FNDC3A: variants seen among roughly 807,000 people sequenced by gnomAD.
FNDC3A encodes the protein fibronectin type-III domain-containing protein 3A.
A neutral mutation model predicts 148.9 loss-of-function variants in FNDC3A; 32 were observed. The observed-to-expected ratio is 0.21, with a 90% CI of 0.16 to 0.29. The LOEUF (loss-of-function observed/expected upper bound fraction) is 0.29, where lower values mean the gene tolerates loss of function less well. Ranked by LOEUF, FNDC3A falls within the 10% of genes least tolerant of loss-of-function variation. The pLI, the probability that FNDC3A is intolerant of heterozygous loss-of-function variation, is 1.00. For missense variants in FNDC3A, 1,191 were observed against 1,452.8 expected, an observed-to-expected ratio of 0.82 and a Z score of 2.93; for synonymous variants, 472 against 473.6, an observed-to-expected ratio of 1.00 and a Z score of 0.04.
chr13:49,052,605 G>A (rs1875922051), intron 2 of FNDC3A, among the ~76,000 whole-genome samples: 1 of 152,166 alleles, frequency 6.6e-6, no homozygotes, highest in Non-Finnish European at 1.5e-5. Flanking sequence ...CTCTGTGAAG[G>A]TCTTTGGTTG....
chr13:49,009,777 C>T (rs1346850052), intron 2 of FNDC3A, among the ~76,000 whole-genome samples: 1 of 152,194 alleles, frequency 6.6e-6, no homozygotes, highest in Non-Finnish European at 1.5e-5. Flanking sequence ...TAGCAGTTTA[C>T]TAATTTGTCT....
At chr13:49,083,020 A>G (rs1389763986) in intron 3 of FNDC3A, among the ~76,000 whole-genome samples, 1 of 152,082 alleles carries the variant, frequency 6.6e-6, no homozygotes, top group Non-Finnish European at 1.5e-5. Context: ...TATTAGAGTG[A>G]AGAGTCAGAG....
At chr13:49,114,049 G>T (rs180765027) in intron 3 of FNDC3A, among the ~76,000 whole-genome samples, 2 of 151,996 alleles carry the variant, frequency 1.3e-5, no homozygotes, top group Middle Eastern at 3.4e-3. Context: ...TTTCCTTTGG[G>T]TAAGTACACG....
At chr13:49,201,179 A>C (rs752179452) in intron 23 of FNDC3A, 11 of 301,212 alleles carry the variant, frequency 3.7e-5, no homozygotes, top group Non-Finnish European at 6.7e-6. Context: ...TATAGATAAC[A>C]TATTAGGAGA....
chr13:49,140,162 G>A lies in FNDC3A; in HGVS notation c.819+1357G>A, dbSNP rs143260068. On this transcript the variant is annotated intron_variant, in intron 7 of 25. Transcript: ENST00000492622. Reference sequence around the variant, plus strand: ...AGCCTGAGTAATATATTGAGACCTCGTCTCTACAAAAAACAAATACAGATA... The same window carrying A: ...AGCCTGAGTAATATATTGAGACCTCATCTCTACAAAAAACAAATACAGATA... 3.4e-4 allele frequency among the ~76,000 whole-genome samples: 52 copies of A among 152,052 alleles called. 1 individual carries two copies. The East Asian group carries it at 8.3e-3, about 24-fold the overall frequency.
chr13:49,148,886 G>A (rs1883136835), intron 8 of FNDC3A, among the ~76,000 whole-genome samples: 1 of 151,982 alleles, frequency 6.6e-6, no homozygotes, highest in Non-Finnish European at 1.5e-5. Context: ...TTTCATCAGT[G>A]TTTTATAGTT....
At chr13:49,033,820 G>C (rs1343931391) in intron 2 of FNDC3A, among the ~76,000 whole-genome samples, 1 of 151,906 alleles carries the variant, frequency 6.6e-6, no homozygotes, top group Non-Finnish European at 1.5e-5. Context: ...TGCTGATAGA[G>C]TATTAAGAGC....
At chr13:49,041,924 T>C (rs749843308) in intron 2 of FNDC3A, among the ~76,000 whole-genome samples, 1 of 152,132 alleles carries the variant, frequency 6.6e-6, no homozygotes, top group Non-Finnish European at 1.5e-5. Flanking sequence ...GAGCTTTTAT[T>C]CTAGTGGAGT....
chr13:49,181,799 A>G (rs1885318626), intron 14 of FNDC3A, among the ~76,000 whole-genome samples: 1 of 152,200 alleles, frequency 6.6e-6, no homozygotes, highest in Admixed American at 6.5e-5. Context: ...GCATATTATT[A>G]TTCTGAAGAA....
At chr13:49,183,419 G>A (rs770726215) in intron 14 of FNDC3A, among the ~76,000 whole-genome samples, 1 of 152,204 alleles carries the variant, frequency 6.6e-6, no homozygotes, top group Non-Finnish European at 1.5e-5. Flanking sequence ...AGGGTTCCTA[G>A]CACAGTGCTC....
intron 2 of FNDC3A, among the ~76,000 whole-genome samples, chr13:49,041,251 CTATT>C (rs1308877747): frequency 6.6e-6 from 1 of 152,138 alleles, no homozygotes; most frequent in Non-Finnish European, 1.5e-5. Context: ...CTCATATTTT[CTATT>C]TAGTCTTTTA....
chr13:49,006,743 T>C (rs1027096358), intron 2 of FNDC3A, among the ~76,000 whole-genome samples: 1 of 151,930 alleles, frequency 6.6e-6, no homozygotes, highest in Non-Finnish European at 1.5e-5. Flanking sequence ...CCAGCCCAGG[T>C]CTTTATTTAA....
intron 2 of FNDC3A, among the ~76,000 whole-genome samples, chr13:49,051,876 C>G (rs1875868617): frequency 6.6e-6 from 1 of 152,002 alleles, no homozygotes. Flanking sequence ...TTTTTAAATT[C>G]TTTTTTCTTT....
In FNDC3A at chr13:49,209,731, A is replaced by G. The variant is rs1886808717; in HGVS notation, c.*2336A>G. 1 of 152,226 alleles carries G rather than the reference A, an allele frequency of 6.6e-6. No homozygotes were observed. The highest frequency in any genetic ancestry group is 2.1e-4 in the South Asian group (1 of 4,832). 9.4% of individuals were successfully genotyped at this position (152,226 alleles called of 1,614,324 possible). A position where few individuals can be genotyped will look rare whatever the true frequency, so the allele number is the denominator to read the frequency against. ...AAATCTTCAACATGAGAGGATGTATATTTATTATATAAAGCCCAGTAAAGA... is the reference window on the plus strand; with the variant it reads ...AAATCTTCAACATGAGAGGATGTATGTTTATTATATAAAGCCCAGTAAAGA... On this transcript the variant is annotated 3_prime_UTR_variant, in exon 26 of 26. Coordinates refer to ENST00000492622, the MANE Select transcript of FNDC3A (RefSeq NM_001079673.2).
At chr13:49,116,666 A>T (rs897573142) in intron 4 of FNDC3A, among the ~76,000 whole-genome samples, 2 of 152,084 alleles carry the variant, frequency 1.3e-5, no homozygotes, top group Non-Finnish European at 2.9e-5. Flanking sequence ...GGTGCCTGCA[A>T]TCCCAGCTAC....
chr13:49,125,343 A>G (rs1164453579), intron 4 of FNDC3A, among the ~76,000 whole-genome samples: 1 of 152,204 alleles, frequency 6.6e-6, no homozygotes, highest in Non-Finnish European at 1.5e-5. Context: ...AACTGGAGAG[A>G]AAGGAGATTG....
intron 2 of FNDC3A, among the ~76,000 whole-genome samples, chr13:49,055,166 C>T (rs559252418): frequency 2.0e-5 from 3 of 151,574 alleles, no homozygotes; most frequent in Non-Finnish European, 2.9e-5. Flanking sequence ...TGCGGTGTCA[C>T]GTTCGTGGCT....
chr13:49,071,121 C>T (rs1171528450), intron 2 of FNDC3A, among the ~76,000 whole-genome samples: 6 of 135,426 alleles, frequency 4.4e-5, no homozygotes, highest in South Asian at 2.4e-4. Context: ...GTTGGCCTTG[C>T]GCTCCTGAGC....
intron 16 of FNDC3A, 72 bp from the exon 17 acceptor site, chr13:49,188,443 C>A: frequency 1.2e-6 from 1 of 831,608 alleles, no homozygotes; most frequent in South Asian, 1.6e-5. Context: ...GCTAGGATAC[C>A]TGATGTGTCC....
Sources: gnomAD v4.1 joint callset for allele counts (sites outside exome capture counted in the v4.1 genomes callset) on GRCh38, gnomAD v4.1.1 for gene constraint, MANE v1.5 for transcripts, NCBI Gene and HGNC (gene_info 2026-07-23, HGNC 2026-07-21) for gene names.